Variants in PHLDB3 observed in about 807,000 individuals in gnomAD.
PHLDB3 encodes the protein pleckstrin homology like domain family B member 3.
A neutral mutation model predicts 85.7 loss-of-function variants in PHLDB3; 86 were observed. The observed-to-expected ratio is 1.00, with a 90% CI of 0.84 to 1.20. PHLDB3 has a LOEUF of 1.20. PHLDB3 is among the 50% of genes most tolerant of loss of function. The probability of loss-of-function intolerance (pLI) is 0.00; values close to 1 mark genes in which losing one functional copy is unlikely to be tolerated. For missense variants in PHLDB3, 995 were observed against 873.0 expected (o/e 1.14, Z -1.76); for synonymous variants, 376 against 349.8 (o/e 1.07, Z -0.83).
chr19:43,495,170 C>T, intron 8 of PHLDB3, 86 bp downstream of exon 8: 1 of 848,530 alleles, frequency 1.2e-6, no homozygotes, highest in Non-Finnish European at 1.7e-6. Flanking sequence ...AGGGCCTGGA[C>T]TCCTGCGTCT....
At chr19:43,481,100 G>A (rs888979374) in intron 13 of PHLDB3, among the ~76,000 whole-genome samples, 3 of 152,142 alleles carry the variant, frequency 2.0e-5, no homozygotes, top group African/African-American at 4.8e-5. Flanking sequence ...TCTGGAGTAG[G>A]GGGAGAGGTT....
chr19:43,483,461 A>G (rs1971089737), intron 13 of PHLDB3, among the ~76,000 whole-genome samples: 1 of 151,990 alleles, frequency 6.6e-6, no homozygotes, highest in African/African-American at 2.4e-5. Flanking sequence ...AAATTTCTGT[A>G]GAGATGAGGG....
At chr19:43,498,804 A>G (rs2145945828) in intron 4 of PHLDB3, among the ~76,000 whole-genome samples, 1 of 152,306 alleles carries the variant, frequency 6.6e-6, no homozygotes, top group South Asian at 2.1e-4. Context: ...TGGGAAAATA[A>G]AAGGAGCTAG....
At chr19:43,486,131 C>T (rs1431040556) in intron 13 of PHLDB3, 135 bp downstream of exon 13, 1 of 1,411,978 alleles carries the variant, frequency 7.1e-7, no homozygotes, top group South Asian at 1.6e-5. Context: ...TCTGCAGTTC[C>T]CTTTCCCTTG....
Position 43,486,637 on chromosome 19 carries a change from G to T in PHLDB3, c.1400C>A (p.Ala467Glu). The T allele has an allele frequency of 1.2e-6, 2 of 1,613,840 alleles. No individual in the cohort carries two copies. The highest frequency in any genetic ancestry group is 1.7e-6 in the Non-Finnish European group (2 of 1,179,836). The stretch of plus-strand genomic sequence containing the variant: ...GGCCTTGAGCAGCCGCTCCCTCTCC[G>T]CCATGGCCTGCTGCAGGAGCCGCTC... Reference protein sequence around the residue: ...HMERLLQQAMAERERLLKARE... With the variant: ...HMERLLQQAMEERERLLKARE... Residue 467 changes from alanine (A) to glutamate (E), a missense_variant, in exon 12 of 16, where the codon GCG (alanine) becomes GAG (glutamate). Ala to Glu is a moderately radical substitution (Grantham distance 107, BLOSUM62 -1). Coordinates refer to ENST00000292140, the MANE Select transcript of PHLDB3 (RefSeq NM_198850.4).
rs1210066990 is a variant in PHLDB3 at position 43,479,576 on chromosome 19, G to T, written c.1503C>A (p.Pro501=). 1 of 1,495,494 alleles carries T rather than the reference G, an allele frequency of 6.7e-7. No homozygotes were observed. The highest frequency in any genetic ancestry group is 9.1e-7 in the Non-Finnish European group (1 of 1,099,168). The allele number at this position is 1,495,494 out of a possible 1,614,324, so 92.6% of individuals were successfully genotyped here. ...VPAITAPPTP[P]HPPGPRILDL... is the part of the protein sequence containing the mutation. ...CCAAGATTCGCGGGCCTGGAGGGTG[G>T]GGTGGGGTGGGTGGGGCCTGGGGAG... The change falls in exon 14 of 16, where the codon CCC becomes CCA. Residue 501 remains proline, a synonymous_variant. Transcript: ENST00000292140.
Position 43,476,361 on chromosome 19 carries a change from C to G in PHLDB3, c.1789-817G>C, listed in dbSNP as rs183102032. On this transcript the variant is annotated intron_variant, in intron 15 of 15. Coordinates refer to ENST00000292140, the MANE Select transcript of PHLDB3 (RefSeq NM_198850.4). ...CATTCTACACGTGAGAAAACTCAGG[C>G]CGGCCGGGCTGGGTGGCTCACGCCT... 1.9e-3 allele frequency among the ~76,000 whole-genome samples: 282 copies of G among 152,190 alleles called. 3 individuals are homozygous for G. The highest frequency in any genetic ancestry group is 6.1e-3 in the African/African-American group (252 of 41,526).
rs1188789518 is a variant in PHLDB3 at position 43,502,252 on chromosome 19, G to A, written c.245C>T (p.Ala82Val). ...CGAAGAGGTGGATGCGGGAGGTGTG[G>A]CCGCCATAGCTATCGGAGGCGTAGC... ...PEATPPIAMAATPPASTSSRE... is the reference protein window; with the variant it reads ...PEATPPIAMAVTPPASTSSRE... The change falls in exon 3 of 16, where the codon GCC (alanine) becomes GTC (valine). Residue 82 changes from alanine (A) to valine (V), a missense_variant. Coordinates refer to ENST00000292140, the MANE Select transcript of PHLDB3 (RefSeq NM_198850.4). 1.9e-6 allele frequency: 3 copies of A among 1,559,792 alleles called. No individual in the cohort carries two copies. The highest frequency in any genetic ancestry group is 2.4e-5 in the East Asian group (1 of 41,898).
intron 9 of PHLDB3, among the ~76,000 whole-genome samples, chr19:43,490,890 G>A (rs915982047): frequency 6.6e-5 from 10 of 152,210 alleles, no homozygotes; most frequent in African/African-American, 2.4e-4. Flanking sequence ...CTCTTCTCAA[G>A]CGAGGTGTCC....
intron 7 of PHLDB3, 63 bp from the exon 8 acceptor site, chr19:43,495,402 T>C: frequency 3.1e-6 from 5 of 1,598,744 alleles, no homozygotes; most frequent in African/African-American, 1.3e-5. Flanking sequence ...CTGCTTTCCC[T>C]AATGTCAGGA....
chr19:43,486,032 G>A (rs1971146507), intron 13 of PHLDB3: 9 of 985,276 alleles, frequency 9.1e-6, no homozygotes, highest in Non-Finnish European at 1.1e-5. Context: ...GTACAGAAGA[G>A]GAAAATGAGG....
intron 6 of PHLDB3, chr19:43,496,916 T>G: frequency 1.3e-6 from 1 of 798,158 alleles, no homozygotes; most frequent in Non-Finnish European, 1.7e-6. Context: ...AAGTTTGTTG[T>G]AAGGATTCAG....
At chr19:43,504,258 A>C (rs10408863) in intron 1 of PHLDB3, 126 bp from the exon 2 acceptor site, 54,579 of 869,576 alleles carry the variant, frequency 0.063, 2,364 homozygotes, top group Admixed American at 0.17. Flanking sequence ...CAAAGGATGG[A>C]ACTGAGCGTT....
chr19:43,486,912 G>A, intron 10 of PHLDB3, 42 bp from the exon 11 acceptor site: 1 of 1,495,664 alleles, frequency 6.7e-7, no homozygotes. Flanking sequence ...GATACACCCT[G>A]GCCTGAGCCT....
Position 43,500,923 on chromosome 19 carries a change from C to CCCA in PHLDB3, c.534+810_534+811insTGG, listed in dbSNP as rs1555757872. 3.3e-4 allele frequency among the ~76,000 whole-genome samples: 35 copies of CCCA among 105,758 alleles called. 4 individuals are homozygous for CCCA. The highest frequency in any genetic ancestry group is 7.6e-3 in the Middle Eastern group (2 of 264). The allele number at this position is 105,758 out of a possible 152,430, so 69.4% of individuals were successfully genotyped here. On this transcript the variant is annotated intron_variant, in intron 4 of 15. Coordinates refer to ENST00000292140, the MANE Select transcript of PHLDB3 (RefSeq NM_198850.4). ...CCGCCCCCCGTACCCCCCCCCCACC[C>CCCA]CGCAAGTACTGGGATTACAGGTGTG...
intron 1 of PHLDB3, 49 bp downstream of exon 1, chr19:43,504,539 TC>T: frequency 4.7e-6 from 1 of 210,606 alleles, no homozygotes; most frequent in Non-Finnish European, 9.4e-6. Context: ...AGCCCCGTAG[TC>T]TTAGTCCCGA....
chr19:43,487,046 T>G lies in PHLDB3; in HGVS notation c.1227A>C (p.Arg409=). The G allele has an allele frequency of 2.5e-6, 4 of 1,575,064 alleles. No individual in the cohort carries two copies. The highest frequency in any genetic ancestry group is 1.9e-5 in the Admixed American group (1 of 53,486). Reference sequence around the variant, plus strand: ...CACCAGTACAATGGAAGGACAGAGGTCGGGGGGATCCTCTCTGGCTCCCCC... The same window carrying G: ...CACCAGTACAATGGAAGGACAGAGGGCGGGGGGATCCTCTCTGGCTCCCCC... ...GERGSQRGSP[R]PLSFHCTESL... Residue 409 remains arginine (R), a synonymous_variant, in exon 10 of 16, where the codon CGA becomes CGC. Transcript: ENST00000292140.
intron 2 of PHLDB3, among the ~76,000 whole-genome samples, chr19:43,503,165 G>C (rs1971658210): frequency 6.6e-6 from 1 of 151,780 alleles, no homozygotes; most frequent in Non-Finnish European, 1.5e-5. Context: ...GTCTTTTTGG[G>C]GTCTTTGTCT....
chr19:43,504,222 C>T (rs954820545), intron 1 of PHLDB3, 90 bp from the exon 2 acceptor site: 1 of 1,195,916 alleles, frequency 8.4e-7, no homozygotes, highest in South Asian at 1.6e-5. Context: ...GGAGACCCCC[C>T]CCCAAGGAGG....
Sources: gnomAD v4.1 joint callset for allele counts (sites outside exome capture counted in the v4.1 genomes callset) on GRCh38, gnomAD v4.1.1 for gene constraint, MANE v1.5 for transcripts, NCBI Gene and HGNC (gene_info 2026-07-23, HGNC 2026-07-21) for gene names.